Variants in RPA3 observed in about 807,000 individuals in gnomAD.
RPA3 encodes the protein replication protein A3, also known as replication protein A 14 kDa subunit.
RPA3 carries 24 observed loss-of-function variants against 13.7 expected under a neutral mutation model. The ratio of observed to expected loss-of-function variants is 1.75; its 90% CI spans 1.27 to 2.46. The LOEUF is 2.46. RPA3 is among the 30% of genes most tolerant of loss of function. RPA3 has a pLI of 0.00. For missense variants in RPA3, 183 were observed against 151.0 expected (o/e 1.21, Z -1.11); for synonymous variants, 59 against 51.2 (o/e 1.15, Z -0.65).
chr7:7,708,085 TCTC>T (rs1395204173), intron 2 of RPA3, among the ~76,000 whole-genome samples: 8 of 152,188 alleles, frequency 5.3e-5, no homozygotes, highest in African/African-American at 1.9e-4. Flanking sequence ...TCGTCATTCT[TCTC>T]TTAGCCTCCT....
chr7:7,658,032 C>T (rs1257628449), intron 4 of RPA3, among the ~76,000 whole-genome samples: 1 of 152,122 alleles, frequency 6.6e-6, no homozygotes, highest in Non-Finnish European at 1.5e-5. Flanking sequence ...CTTCATGTCC[C>T]TTGTAAGTTG....
chr7:7,684,901 A>G (rs1780005832), intron 4 of RPA3, among the ~76,000 whole-genome samples: 1 of 152,190 alleles, frequency 6.6e-6, no homozygotes. Context: ...CTTATTCCAT[A>G]CAACATCTGT....
intron 4 of RPA3, among the ~76,000 whole-genome samples, chr7:7,680,316 C>T (rs1018513481): frequency 2.0e-5 from 3 of 152,076 alleles, no homozygotes; most frequent in African/African-American, 7.2e-5. Context: ...CAATGTATAT[C>T]CTTGGCACCC....
At chr7:7,658,384 G>A (rs1007260389) in intron 4 of RPA3, among the ~76,000 whole-genome samples, 2 of 152,216 alleles carry the variant, frequency 1.3e-5, no homozygotes, top group African/African-American at 2.4e-5. Context: ...TCCTTGCCTT[G>A]TGCCAGTTTT....
At chr7:7,711,970 G>A (rs1780776447) in intron 2 of RPA3, among the ~76,000 whole-genome samples, 1 of 151,552 alleles carries the variant, frequency 6.6e-6, no homozygotes, top group Non-Finnish European at 1.5e-5. Context: ...TTTTTTGTAG[G>A]GATAACCTAT....
In RPA3 at chr7:7,665,986, A is replaced by G. The variant is rs114112165; in HGVS notation, c.-758+19844T>C. Among the ~76,000 whole-genome samples, 346 of 152,234 alleles carry G rather than the reference A, an allele frequency of 2.3e-3. 2 individuals are homozygous for G. The highest frequency in any genetic ancestry group is 8.1e-3 in the African/African-American group (335 of 41,532). Reference sequence around the variant, plus strand: ...TTTGGTTATTAAAAAAAAAGTTGTTACAACATTTGTATACAAGTGTGGACC... The same window carrying G: ...TTTGGTTATTAAAAAAAAAGTTGTTGCAACATTTGTATACAAGTGTGGACC... On this transcript the variant is annotated intron_variant, in intron 4 of 7. Coordinates refer to ENST00000223129, the MANE Select transcript of RPA3 (RefSeq NM_002947.5).
At chr7:7,688,997 G>T (rs1583738703) in intron 2 of RPA3, among the ~76,000 whole-genome samples, 1 of 152,092 alleles carries the variant, frequency 6.6e-6, no homozygotes, top group Non-Finnish European at 1.5e-5. Context: ...AAATTAGTAA[G>T]CATTCAGACT....
chr7:7,695,859 C>G (rs1780301733), intron 2 of RPA3, among the ~76,000 whole-genome samples: 1 of 152,106 alleles, frequency 6.6e-6, no homozygotes, highest in South Asian at 2.1e-4. Flanking sequence ...AGTGTGCACA[C>G]TACATCTTAT....
chr7:7,711,230 C>T (rs558212823), intron 2 of RPA3, among the ~76,000 whole-genome samples: 1 of 152,262 alleles, frequency 6.6e-6, no homozygotes, highest in South Asian at 2.1e-4. Flanking sequence ...CATATAATTT[C>T]TCCAATCTGC....
intron 3 of RPA3, among the ~76,000 whole-genome samples, chr7:7,686,340 A>G (rs1354289412): frequency 6.6e-6 from 1 of 152,178 alleles, no homozygotes; most frequent in African/African-American, 2.4e-5. Context: ...GCCTTCTCAA[A>G]TGTTAGAATG....
intron 4 of RPA3, among the ~76,000 whole-genome samples, chr7:7,669,071 A>G (rs1378412838): frequency 8.3e-6 from 1 of 120,354 alleles, no homozygotes; most frequent in African/African-American, 3.3e-5. Context: ...CAGTGGCCCC[A>G]GCTGGGAATC....
intron 4 of RPA3, among the ~76,000 whole-genome samples, chr7:7,650,803 G>C (rs1392830775): frequency 3.1e-4 from 47 of 152,110 alleles, no homozygotes; most frequent in Non-Finnish European, 1.5e-5. Flanking sequence ...CGGCATCACT[G>C]TTAAGTCCAA....
chr7:7,682,647 G>C (rs1779942062), intron 4 of RPA3, among the ~76,000 whole-genome samples: 1 of 152,118 alleles, frequency 6.6e-6, no homozygotes, highest in African/African-American at 2.4e-5. Flanking sequence ...TTTATTGCCT[G>C]TTCTTACAAA....
chr7:7,687,732 T>TTAA (rs1358016037), intron 2 of RPA3, among the ~76,000 whole-genome samples: 1 of 152,232 alleles, frequency 6.6e-6, no homozygotes, highest in African/African-American at 2.4e-5. Flanking sequence ...TGTACTTTTA[T>TTAA]GACTATACAT....
chr7:7,694,297 C>T (rs893933299), intron 2 of RPA3, among the ~76,000 whole-genome samples: 1 of 152,020 alleles, frequency 6.6e-6, no homozygotes, highest in Non-Finnish European at 1.5e-5. Context: ...GATTTTGATA[C>T]AGGCATACAC....
intron 2 of RPA3, among the ~76,000 whole-genome samples, chr7:7,710,799 C>G (rs1482807492): frequency 3.9e-5 from 6 of 152,250 alleles, no homozygotes; most frequent in African/African-American, 1.4e-4. Flanking sequence ...AAATATCCTT[C>G]AACAGGTGAA....
chr7:7,639,248 AAC>A, intron 5 of RPA3, 104 bp from the exon 6 acceptor site: 1 of 753,752 alleles, frequency 1.3e-6, no homozygotes, highest in Admixed American at 2.8e-5. Flanking sequence ...CTGTTTCTTG[AAC>A]AGTTTATTCA....
intron 5 of RPA3, among the ~76,000 whole-genome samples, chr7:7,639,673 C>G (rs994287330): frequency 2.6e-5 from 4 of 152,186 alleles, no homozygotes; most frequent in Non-Finnish European, 5.9e-5. Flanking sequence ...TACTCAGTTT[C>G]CCTACTTGGG....
At chr7:7,690,794 A>G (rs901671673) in intron 2 of RPA3, among the ~76,000 whole-genome samples, 2 of 152,228 alleles carry the variant, frequency 1.3e-5, no homozygotes, top group South Asian at 2.1e-4. Flanking sequence ...CCCTTCACAT[A>G]TAAATGCTTT....
Sources: gnomAD v4.1 joint callset for allele counts (sites outside exome capture counted in the v4.1 genomes callset) on GRCh38, gnomAD v4.1.1 for gene constraint, MANE v1.5 for transcripts, NCBI Gene and HGNC (gene_info 2026-07-23, HGNC 2026-07-21) for gene names.